MYOF: variants seen among roughly 807,000 people sequenced by gnomAD.
MYOF encodes the protein myoferlin.
MYOF carries 244 observed loss-of-function variants against 284.2 expected under a neutral mutation model. The ratio of observed to expected loss-of-function variants is 0.86; its 90% confidence interval spans 0.77 to 0.95. The LOEUF (loss-of-function observed/expected upper bound fraction) is 0.95, where lower values mean the gene tolerates loss of function less well. Among genes scored for constraint, MYOF ranks in the 40% least tolerant of loss-of-function variants. The probability of loss-of-function intolerance (pLI) is 0.00; values close to 1 mark genes in which losing one functional copy is unlikely to be tolerated. For synonymous variants in MYOF, 904 were observed against 919.7 expected (o/e 0.98, Z 0.31); for missense variants, 2,496 against 2,560.6 (o/e 0.97, Z 0.54).
intron 1 of MYOF, among the ~76,000 whole-genome samples, chr10:93,467,735 C>A (rs1244762062): frequency 6.6e-6 from 1 of 152,166 alleles, no homozygotes; most frequent in Non-Finnish European, 1.5e-5. Context: ...AAATGTCCAA[C>A]AACGATAGAC....
intron 37 of MYOF, among the ~76,000 whole-genome samples, chr10:93,345,458 G>A (rs1844146133): frequency 6.6e-6 from 1 of 152,164 alleles, no homozygotes; most frequent in African/African-American, 2.4e-5. Flanking sequence ...GCGGGGAGGA[G>A]GGGAGACTGA....
intron 37 of MYOF, 29 bp from the exon 38 acceptor site, chr10:93,343,961 G>C: frequency 6.2e-7 from 1 of 1,612,470 alleles, no homozygotes. Flanking sequence ...CTTAATCTAA[G>C]ATACTTAGAG....
intron 51 of MYOF, among the ~76,000 whole-genome samples, chr10:93,311,018 C>A (rs901007317): frequency 2.6e-5 from 4 of 151,836 alleles, no homozygotes; most frequent in Non-Finnish European, 5.9e-5. Context: ...TTATTGTAGG[C>A]TCCCAGTAAG....
intron 13 of MYOF, 57 bp from the exon 14 acceptor site, chr10:93,397,513 T>A (rs1212419251): frequency 1.9e-5 from 26 of 1,336,896 alleles, no homozygotes; most frequent in Non-Finnish European, 2.4e-5. Flanking sequence ...TCTAAAAGTT[T>A]ACAATCTATG....
chr10:93,388,879 T>C, intron 18 of MYOF, 151 bp downstream of exon 18: 2 of 1,016,142 alleles, frequency 2.0e-6, no homozygotes, highest in Non-Finnish European at 2.7e-6. Flanking sequence ...CATCCCCCAG[T>C]GAGATGATCT....
chr10:93,335,854 C>T (rs764929361), intron 41 of MYOF, 67 bp downstream of exon 41: 97 of 1,553,504 alleles, frequency 6.2e-5, no homozygotes, highest in Non-Finnish European at 8.0e-5. Flanking sequence ...CCTGGTTGTC[C>T]TTTATTCTAG....
In MYOF at chr10:93,308,963, C is replaced by T. The variant is rs1037419410; in HGVS notation, c.6147+1057G>A. Among the ~76,000 whole-genome samples, 10 of 152,266 alleles carry T rather than the reference C, an allele frequency of 6.6e-5. No individual in the cohort carries two copies. The South Asian group carries it at 8.3e-4, about 13-fold the overall frequency. On this transcript the variant is annotated intron_variant, in intron 53 of 53. Transcript: ENST00000359263. ...CTGACCTCAAGTGATTCACCCGCCTCGGCCTCCCAAAGTGCCAGGATTACA... is the reference window on the plus strand; with the variant it reads ...CTGACCTCAAGTGATTCACCCGCCTTGGCCTCCCAAAGTGCCAGGATTACA...
At chr10:93,336,665 G>A (rs996911521) in intron 40 of MYOF, among the ~76,000 whole-genome samples, 21 of 152,170 alleles carry the variant, frequency 1.4e-4, no homozygotes, top group African/African-American at 4.8e-4. Context: ...GGTTCACATA[G>A]GGTATATACA....
chr10:93,423,992 G>A (rs1375300258), intron 5 of MYOF, among the ~76,000 whole-genome samples: 1 of 152,048 alleles, frequency 6.6e-6, no homozygotes, highest in Admixed American at 6.6e-5. Flanking sequence ...CTGGGGTGAC[G>A]CATCTACAAG....
intron 46 of MYOF, chr10:93,323,714 C>T (rs1353895230): frequency 2.2e-5 from 5 of 229,726 alleles, no homozygotes; most frequent in East Asian, 1.8e-4. Flanking sequence ...CACACACACA[C>T]GCGCGTGCGC....
chr10:93,311,919 T>C (rs1410723596), intron 51 of MYOF, among the ~76,000 whole-genome samples: 1 of 152,060 alleles, frequency 6.6e-6, no homozygotes, highest in Admixed American at 6.6e-5. Context: ...AGCAGGTCAG[T>C]GGTTTCCTGG....
intron 46 of MYOF, chr10:93,324,131 C>A (rs906241238): frequency 6.6e-6 from 1 of 152,178 alleles, no homozygotes; most frequent in African/African-American, 2.4e-5. Flanking sequence ...CTTGGCCCAT[C>A]CATCTGACTC....
chr10:93,429,464 A>G (rs75219480), intron 4 of MYOF, among the ~76,000 whole-genome samples: 19,901 of 152,210 alleles, frequency 0.13, 1,365 homozygotes, highest in Middle Eastern at 0.19. Context: ...GGGTCTACAT[A>G]TGCTTTCTTC....
At position 93,471,229 on chromosome 10, in the gene MYOF, A is replaced by C. The variant is rs549144756; in HGVS notation, c.88+10878T>G. On this transcript the variant is annotated intron_variant, in intron 1 of 53. Transcript: ENST00000359263. The stretch of plus-strand genomic sequence containing the variant: ...AACTGATTCACTGCTAAGCTATGTC[A>C]CCTCTGAGCTTCTGAGTCACAGCAT... Among the ~76,000 whole-genome samples, 341 of 152,206 alleles carry C rather than the reference A, an allele frequency of 2.2e-3. 3 individuals carry two copies. The highest frequency in any genetic ancestry group is 0.013 in the South Asian group (63 of 4,816).
chr10:93,374,694 ATTCTT>A, intron 23 of MYOF, 64 bp downstream of exon 23: 1 of 1,476,162 alleles, frequency 6.8e-7, no homozygotes, highest in Non-Finnish European at 9.2e-7. Flanking sequence ...CCACCATCCT[ATTCTT>A]GGTGCCATTT....
At chr10:93,419,515 A>ATCAT (rs1848268494) in intron 5 of MYOF, among the ~76,000 whole-genome samples, 1 of 152,188 alleles carries the variant, frequency 6.6e-6, no homozygotes, top group African/African-American at 2.4e-5. Context: ...GTGCCCATCT[A>ATCAT]TCATTCACTC....
In MYOF at chr10:93,411,054, G is replaced by A. The variant is rs572013306; in HGVS notation, c.434-1315C>T. ...TAATAGTATTTACCACAGGGTTACT[G>A]TAAAGGTGTAATTATCTATAGGCGA... On this transcript the variant is annotated intron_variant, in intron 5 of 53. Transcript: ENST00000359263. Among the ~76,000 whole-genome samples, 21 of 152,356 alleles carry A rather than the reference G, an allele frequency of 1.4e-4. 1 individual carries two copies. The South Asian group carries it at 4.4e-3, about 32-fold the overall frequency.
At chr10:93,464,161 G>T (rs1432849280) in intron 1 of MYOF, among the ~76,000 whole-genome samples, 1 of 152,182 alleles carries the variant, frequency 6.6e-6, no homozygotes, top group Non-Finnish European at 1.5e-5. Context: ...GTTTCCTGGA[G>T]AAGAAATTCT....
At chr10:93,352,172 G>T (rs879612615) in intron 32 of MYOF, among the ~76,000 whole-genome samples, 5 of 152,146 alleles carry the variant, frequency 3.3e-5, no homozygotes, top group African/African-American at 9.7e-5. Flanking sequence ...TACACCTGGG[G>T]TCAACACCCA....
Sources: allele counts gnomAD v4.1 joint callset (sites outside exome capture counted in the v4.1 genomes callset), GRCh38; gene constraint gnomAD v4.1.1; transcripts MANE v1.5; gene names NCBI Gene and HGNC (gene_info 2026-07-23, HGNC 2026-07-21).